Variants in ADCY10 observed in about 807,000 individuals in gnomAD.
ADCY10 encodes adenylate cyclase type 10.
In ADCY10, 156 loss-of-function variants were observed where a neutral mutation model predicts 183.3. That is an observed-to-expected ratio of 0.85 (90% CI 0.75 to 0.97). The LOEUF (loss-of-function observed/expected upper bound fraction) is 0.97. Among genes scored for constraint, ADCY10 ranks in the 50% least tolerant of loss-of-function variants. ADCY10 has a pLI of 0.00. For synonymous variants in ADCY10, 645 were observed against 670.0 expected (o/e 0.96, Z 0.58); for missense variants, 1,745 against 1,934.3 (o/e 0.90, Z 1.84).
chr1:167,888,647 C>G (rs1464956343), intron 8 of ADCY10, among the ~76,000 whole-genome samples: 1 of 151,950 alleles, frequency 6.6e-6, no homozygotes, highest in Non-Finnish European at 1.5e-5. Flanking sequence ...GAGGCCGAGG[C>G]GGGCGGATCA....
chr1:167,841,173 C>T (rs1211952905), intron 21 of ADCY10, among the ~76,000 whole-genome samples: 1 of 152,028 alleles, frequency 6.6e-6, no homozygotes, highest in Non-Finnish European at 1.5e-5. Flanking sequence ...AACTCTTGAG[C>T]TCAAGCAATC....
In ADCY10 at chr1:167,822,078, A is replaced by T. The variant is rs375622466; in HGVS notation, c.4232T>A (p.Ile1411Asn). Residue 1411 changes from isoleucine to asparagine, a missense_variant, in exon 30 of 33, where the codon ATC (isoleucine) becomes AAC (asparagine). Ile to Asn is a moderately radical substitution (Grantham distance 149, BLOSUM62 -3). Coordinates refer to ENST00000367851, the MANE Select transcript of ADCY10 (RefSeq NM_018417.6). ...EFIHQYENNR[I>N]LKFHSGLLLG... ...GAGGAGTCCACTGTGGAACTTGAGG[A>T]TTCTGTTGTTTTCGTATTGGTGTAT... The T allele has an allele frequency of 6.8e-6, 11 of 1,610,722 alleles. No individual in the cohort carries two copies. The African/African-American group carries it at 1.5e-4, about 22-fold the overall frequency.
chr1:167,815,073 C>T (rs1181415608), intron 31 of ADCY10, among the ~76,000 whole-genome samples: 5 of 151,946 alleles, frequency 3.3e-5, no homozygotes, highest in South Asian at 4.2e-4. Flanking sequence ...TGCAGTGAGC[C>T]GAGATCACGC....
At chr1:167,906,219 T>G (rs1260947573) in intron 1 of ADCY10, among the ~76,000 whole-genome samples, 1 of 152,050 alleles carries the variant, frequency 6.6e-6, no homozygotes, top group Non-Finnish European at 1.5e-5. Context: ...AACTTTAAAA[T>G]GTATATAGTA....
At chr1:167,882,384 C>T (rs1345785990) in intron 9 of ADCY10, among the ~76,000 whole-genome samples, 2 of 149,698 alleles carry the variant, frequency 1.3e-5, no homozygotes, top group African/African-American at 2.5e-5. Context: ...ACTCAGGAGG[C>T]TGAGTCAAGA....
intron 21 of ADCY10, among the ~76,000 whole-genome samples, chr1:167,839,303 C>T (rs879300460): frequency 1.3e-5 from 2 of 152,296 alleles, no homozygotes; most frequent in East Asian, 3.9e-4. Flanking sequence ...AGAGGAAATA[C>T]TGGGTAGGAC....
chr1:167,822,148 G>A lies in ADCY10; in HGVS notation c.4169-7C>T, dbSNP rs767274758. The A allele has an allele frequency of 1.3e-6, 2 of 1,521,180 alleles. No homozygotes were observed. Among genetic ancestry groups the A allele is most frequent in the Admixed American group, 1.7e-5 (1 of 59,904 alleles). The allele number at this position is 1,521,180 out of a possible 1,614,324, so 94.2% of individuals were successfully genotyped here. On this transcript the variant is annotated splice_polypyrimidine_tract_variant and splice_region_variant and intron_variant, in intron 29 of 32. Coordinates refer to ENST00000367851, the MANE Select transcript of ADCY10 (RefSeq NM_018417.6). ...AATGTTCTATAAACAAAACCTAAGA[G>A]AGAGAGGAATGGGTGAGAGTTATTA...
chr1:167,820,321 C>G, intron 30 of ADCY10: 1 of 1,086,628 alleles, frequency 9.2e-7, no homozygotes, highest in Non-Finnish European at 1.3e-6. Flanking sequence ...AGGGGACTAG[C>G]CGGCCTTGAG....
intron 32 of ADCY10, 55 bp downstream of exon 32, chr1:167,810,670 G>T: frequency 1.3e-6 from 2 of 1,568,588 alleles, no homozygotes; most frequent in Non-Finnish European, 1.8e-6. Context: ...AGGCTTCTGG[G>T]CTTCTTTATA....
intron 25 of ADCY10, among the ~76,000 whole-genome samples, chr1:167,832,294 C>A (rs1357635317): frequency 6.6e-6 from 1 of 152,100 alleles, no homozygotes; most frequent in African/African-American, 2.4e-5. Context: ...TAGAATAATT[C>A]AAGCATACAC....
rs141483140 is a variant in ADCY10, at chr1:167,845,756, G to A, written c.2814C>T (p.Tyr938=). 77 of 1,614,092 alleles carry A rather than the reference G, an allele frequency of 4.8e-5. No individual in the cohort carries two copies. Among genetic ancestry groups the A allele is most frequent in the African/African-American group, 1.3e-4 (10 of 74,924 alleles). The change falls in exon 21 of 33, where the codon TAC becomes TAT. Residue 938 remains tyrosine, a synonymous_variant. Transcript: ENST00000367851. ...FCNPMMQKTA[Y]ELWLKDQRKA... ...TTCTCTGGTCCTTGAGCCACAGCTCGTAGGCTGTTTTCTGCATCATAGGGT... is the reference window on the plus strand; with the variant it reads ...TTCTCTGGTCCTTGAGCCACAGCTCATAGGCTGTTTTCTGCATCATAGGGT...
chr1:167,883,624 T>C lies in ADCY10; in HGVS notation c.833A>G (p.Asp278Gly). Residue 278 changes from aspartate (D) to glycine (G), a missense_variant, in exon 9 of 33, where the codon GAT becomes GGT. Physicochemically the swap from Asp to Gly is moderately conservative, Grantham distance 94. Coordinates refer to ENST00000367851, the MANE Select transcript of ADCY10 (RefSeq NM_018417.6). Reference protein sequence around the residue: ...YVMESILKQIDNKQLQGYLSE... With the variant: ...YVMESILKQIGNKQLQGYLSE... ...TAAATAGCCCTGAAGCTGTTTGTTA[T>C]CAATCTGCAAAGTAGAGAGCAGCTT... 1 of 1,614,204 alleles carries C rather than the reference T, an allele frequency of 6.2e-7. No homozygotes were observed. Among genetic ancestry groups the C allele is most frequent in the Non-Finnish European group, 8.5e-7 (1 of 1,180,042 alleles).
intron 5 of ADCY10, among the ~76,000 whole-genome samples, chr1:167,899,944 T>C (rs1669277863): frequency 6.6e-6 from 1 of 152,232 alleles, no homozygotes; most frequent in Non-Finnish European, 1.5e-5. Context: ...CAACAGGGAA[T>C]ACCTTTAATA....
At chr1:167,848,703 T>G (rs1380014891) in intron 18 of ADCY10, among the ~76,000 whole-genome samples, 2 of 151,956 alleles carry the variant, frequency 1.3e-5, no homozygotes, top group Admixed American at 6.6e-5. Context: ...CAGGCTGGAG[T>G]GCAGTGGCGT....
chr1:167,881,324 T>C (rs1164752899), intron 9 of ADCY10, among the ~76,000 whole-genome samples: 1 of 152,180 alleles, frequency 6.6e-6, no homozygotes, highest in Non-Finnish European at 1.5e-5. Context: ...AAGGGCATTG[T>C]GAATAAAGGG....
intron 14 of ADCY10, among the ~76,000 whole-genome samples, chr1:167,867,493 T>C (rs1317318411): frequency 6.6e-6 from 1 of 152,230 alleles, no homozygotes; most frequent in Non-Finnish European, 1.5e-5. Flanking sequence ...ATGGTTATTA[T>C]AAGTGTACGA....
chr1:167,826,600 G>A (rs984960403), intron 26 of ADCY10, among the ~76,000 whole-genome samples: 25 of 152,132 alleles, frequency 1.6e-4, no homozygotes, highest in African/African-American at 5.1e-4. Flanking sequence ...AGCTCCAAGT[G>A]TGGAGAAGTA....
At chr1:167,875,733 G>A (rs1311859319) in intron 12 of ADCY10, among the ~76,000 whole-genome samples, 2 of 151,734 alleles carry the variant, frequency 1.3e-5, no homozygotes, top group African/African-American at 2.4e-5. Flanking sequence ...GGCAGATCAC[G>A]AGGTCAGGAG....
intron 12 of ADCY10, 125 bp downstream of exon 12, chr1:167,878,321 C>T: frequency 9.3e-7 from 1 of 1,075,480 alleles, no homozygotes. Flanking sequence ...GGGCCTTGGT[C>T]TGGGGAAAGC....
Sources: allele counts gnomAD v4.1 joint callset (sites outside exome capture counted in the v4.1 genomes callset), GRCh38; gene constraint gnomAD v4.1.1; transcripts MANE v1.5; gene names NCBI Gene and HGNC (gene_info 2026-07-23, HGNC 2026-07-21).